COL22A1: variants seen among roughly 807,000 people sequenced by gnomAD.
COL22A1 encodes collagen type XXII alpha 1 chain, also known as collagen alpha-1(XXII) chain.
In COL22A1, 221 loss-of-function variants were observed where a neutral mutation model predicts 248.9. That is an observed-to-expected ratio of 0.89 (90% confidence interval 0.80 to 0.99). The LOEUF is 0.99. Among genes scored for constraint, COL22A1 ranks in the 50% least tolerant of loss-of-function variants. The pLI is 0.00. For synonymous variants in COL22A1, 891 were observed against 793.4 expected, an observed-to-expected ratio of 1.12 and a Z score of -2.07; for missense variants, 2,240 against 2,179.0, an observed-to-expected ratio of 1.03 and a Z score of -0.56.
At chr8:138,873,881 A>G (rs1406323771) in intron 3 of COL22A1, among the ~76,000 whole-genome samples, 1 of 152,186 alleles carries the variant, frequency 6.6e-6, no homozygotes, top group Non-Finnish European at 1.5e-5. Flanking sequence ...GTTGGATCTA[A>G]CTCAATGACT....
At chr8:138,635,960 G>A (rs145688453) in intron 48 of COL22A1, among the ~76,000 whole-genome samples, 177 of 152,268 alleles carry the variant, frequency 1.2e-3, no homozygotes, top group African/African-American at 3.9e-3. Context: ...GTTTGTCTGC[G>A]AGTCATTCCA....
intron 12 of COL22A1, among the ~76,000 whole-genome samples, chr8:138,783,301 T>A (rs981417165): frequency 3.9e-5 from 6 of 152,104 alleles, no homozygotes; most frequent in Admixed American, 6.5e-5. Flanking sequence ...ATATATATAT[T>A]TTTTTCAAAG....
chr8:138,876,295 C>T (rs150525535), intron 3 of COL22A1, among the ~76,000 whole-genome samples: 262 of 152,312 alleles, frequency 1.7e-3, no homozygotes, highest in African/African-American at 6.1e-3. Flanking sequence ...TAAGCACCAC[C>T]TCCTCCAGGG....
intron 30 of COL22A1, among the ~76,000 whole-genome samples, chr8:138,706,346 A>C (rs925158791): frequency 2.0e-5 from 3 of 152,182 alleles, no homozygotes; most frequent in Non-Finnish European, 4.4e-5. Context: ...TCTTCTCAGC[A>C]CCACATCTCA....
chr8:138,876,715 C>T (rs1452754522), intron 3 of COL22A1, among the ~76,000 whole-genome samples: 1 of 152,190 alleles, frequency 6.6e-6, no homozygotes, highest in African/African-American at 2.4e-5. Context: ...CAGCTGCTCT[C>T]ATCACGAGCA....
intron 43 of COL22A1, among the ~76,000 whole-genome samples, chr8:138,660,829 TACACACACAG>T (rs1823778120): frequency 2.1e-5 from 1 of 47,500 alleles, no homozygotes; most frequent in East Asian, 5.4e-4. Context: ...TACACACACA[TACACACACAG>T]ACACACACAC....
intron 3 of COL22A1, among the ~76,000 whole-genome samples, chr8:138,858,493 A>T (rs1822213203): frequency 6.6e-6 from 1 of 151,838 alleles, no homozygotes; most frequent in Admixed American, 6.6e-5. Context: ...TGATCCCCCC[A>T]CCCCAGCTTC....
intron 21 of COL22A1, 85 bp downstream of exon 21, chr8:138,755,072 A>C: frequency 2.2e-6 from 3 of 1,368,486 alleles, no homozygotes; most frequent in East Asian, 2.3e-5. Flanking sequence ...TGCCATGCTC[A>C]GCGCCGGGAA....
intron 16 of COL22A1, among the ~76,000 whole-genome samples, chr8:138,768,912 G>C (rs1227255311): frequency 6.6e-6 from 1 of 151,974 alleles, no homozygotes; most frequent in Non-Finnish European, 1.5e-5. Flanking sequence ...ACTCCAGCCT[G>C]GGCAATAGAG....
intron 45 of COL22A1, 58 bp downstream of exon 45, chr8:138,655,839 T>TCTCAAATC (rs1262786286): frequency 7.2e-7 from 1 of 1,390,508 alleles, no homozygotes. Context: ...ATTATCAAGA[T>TCTCAAATC]CTCCAATCCC....
Position 138,598,769 on chromosome 8 carries a change from G to C in COL22A1, c.4315C>G (p.Pro1439Ala), listed in dbSNP as rs769478000. 5 of 1,614,024 alleles carry C rather than the reference G, an allele frequency of 3.1e-6. No homozygotes were observed. In the Admixed American group the frequency reaches 8.3e-5, roughly 27 times the overall value. The change falls in exon 61 of 65, where the codon CCA (proline) becomes GCA (alanine). Residue 1439 changes from proline to alanine, a missense_variant. Pro to Ala is a conservative substitution (Grantham distance 27). Coordinates refer to ENST00000303045, the MANE Select transcript of COL22A1 (RefSeq NM_152888.3). ...GPQGLPGENGPVGPPGPPGQP... is the reference protein window; with the variant it reads ...GPQGLPGENGAVGPPGPPGQP... ...CCTGGAGGCCCTGGGGGTCCAACTG[G>C]TCCATTCTCCCCAGGTAGTCCTTGG... is the stretch of plus-strand genomic sequence containing the variant.
At chr8:138,825,194 A>G (rs893645725) in intron 6 of COL22A1, among the ~76,000 whole-genome samples, 3 of 152,220 alleles carry the variant, frequency 2.0e-5, no homozygotes, top group African/African-American at 7.2e-5. Context: ...CCTCTGGAGA[A>G]GAATCCCAAC....
chr8:138,865,206 G>A (rs73351950), intron 3 of COL22A1, among the ~76,000 whole-genome samples: 1,867 of 152,240 alleles, frequency 0.012, 37 homozygotes, highest in African/African-American at 0.043. Flanking sequence ...GCAAGTACAC[G>A]TAGATTGTTC....
At chr8:138,680,049 C>G (rs556913215) in intron 39 of COL22A1, among the ~76,000 whole-genome samples, 1 of 152,154 alleles carries the variant, frequency 6.6e-6, no homozygotes, top group Non-Finnish European at 1.5e-5. Context: ...CAAATTCCCC[C>G]AAGAAATGAC....
chr8:138,628,213 T>C (rs965404723), intron 50 of COL22A1, among the ~76,000 whole-genome samples: 2 of 150,658 alleles, frequency 1.3e-5, no homozygotes, highest in Non-Finnish European at 3.0e-5. Flanking sequence ...AAACAGTTTG[T>C]CTTTTAATTC....
intron 22 of COL22A1, among the ~76,000 whole-genome samples, chr8:138,743,603 A>G (rs560413061): frequency 1.5e-3 from 235 of 152,294 alleles, no homozygotes; most frequent in African/African-American, 5.3e-3. Flanking sequence ...GTTTTGTCCC[A>G]TAACTGGTTT....
intron 3 of COL22A1, among the ~76,000 whole-genome samples, chr8:138,856,985 C>A (rs1037398768): frequency 3.9e-5 from 6 of 152,144 alleles, no homozygotes; most frequent in Admixed American, 1.3e-4. Flanking sequence ...CACTCTCCCC[C>A]ACCCTGTGCC....
At chr8:138,657,458 A>T (rs111438239) in intron 44 of COL22A1, among the ~76,000 whole-genome samples, 2 of 152,386 alleles carry the variant, frequency 1.3e-5, no homozygotes, top group African/African-American at 2.4e-5. Context: ...TATATCAGAC[A>T]CAATGGCTGG....
At chr8:138,636,074 G>A (rs1821130470) in intron 48 of COL22A1, among the ~76,000 whole-genome samples, 1 of 152,206 alleles carries the variant, frequency 6.6e-6, no homozygotes, top group Non-Finnish European at 1.5e-5. Flanking sequence ...GCAGCTGGGA[G>A]AGGAGAGAAA....
Sources: gnomAD v4.1 joint callset for allele counts (sites outside exome capture counted in the v4.1 genomes callset) on GRCh38, gnomAD v4.1.1 for gene constraint, MANE v1.5 for transcripts, NCBI Gene and HGNC (gene_info 2026-07-23, HGNC 2026-07-21) for gene names.